UHRF2: variants seen among roughly 807,000 people sequenced by gnomAD.
UHRF2 encodes the protein ubiquitin like with PHD and ring finger domains 2, also known as E3 ubiquitin-protein ligase UHRF2.
A neutral mutation model predicts 96.8 loss-of-function variants in UHRF2; 23 were observed. The ratio of observed to expected loss-of-function variants is 0.24; its 90% CI spans 0.17 to 0.34. The LOEUF (loss-of-function observed/expected upper bound fraction) is 0.34, where lower values mean the gene tolerates loss of function less well. UHRF2 is among the 10% of genes least tolerant of loss of function. The pLI, the probability that UHRF2 is intolerant of heterozygous loss-of-function variation, is 1.00. For missense variants in UHRF2, 685 were observed against 981.5 expected, an observed-to-expected ratio of 0.70 and a Z score of 4.04; for synonymous variants, 385 against 332.6, an observed-to-expected ratio of 1.16 and a Z score of -1.72.
At chr9:6,436,371 C>G (rs1374958825) in intron 3 of UHRF2, among the ~76,000 whole-genome samples, 2 of 152,116 alleles carry the variant, frequency 1.3e-5, no homozygotes, top group Non-Finnish European at 2.9e-5. Context: ...TTGGCCAGAA[C>G]TGAACTGAGG....
intron 3 of UHRF2, among the ~76,000 whole-genome samples, chr9:6,455,948 A>T (rs1196644056): frequency 6.6e-6 from 1 of 152,194 alleles, no homozygotes; most frequent in African/African-American, 2.4e-5. Context: ...ACACCACTGC[A>T]CTCCAGCCTG....
intron 3 of UHRF2, among the ~76,000 whole-genome samples, chr9:6,436,231 T>A (rs1167967001): frequency 6.6e-6 from 1 of 152,180 alleles, no homozygotes; most frequent in Non-Finnish European, 1.5e-5. Flanking sequence ...TGGAAATGAA[T>A]CAAAAGTAGA....
chr9:6,437,500 T>A (rs1488088206), intron 3 of UHRF2, among the ~76,000 whole-genome samples: 1 of 152,222 alleles, frequency 6.6e-6, no homozygotes, highest in East Asian at 1.9e-4. Context: ...CCCAAAGTGC[T>A]GGGATTACAG....
intron 4 of UHRF2, among the ~76,000 whole-genome samples, chr9:6,474,552 A>G (rs1054993022): frequency 6.6e-6 from 1 of 152,152 alleles, no homozygotes; most frequent in Non-Finnish European, 1.5e-5. Context: ...CTAAAAATAC[A>G]AAAATTAGCC....
chr9:6,421,408 T>TTTTG (rs1013436205), intron 2 of UHRF2, among the ~76,000 whole-genome samples: 6 of 152,028 alleles, frequency 3.9e-5, no homozygotes, highest in South Asian at 2.1e-4. Flanking sequence ...TTAAAATACT[T>TTTTG]TTTGTTTGTT....
intron 4 of UHRF2, among the ~76,000 whole-genome samples, chr9:6,469,456 T>C (rs1188729794): frequency 6.6e-6 from 1 of 151,912 alleles, no homozygotes; most frequent in African/African-American, 2.4e-5. Context: ...AGACAGAGGT[T>C]GCAGTGAGCC....
intron 4 of UHRF2, among the ~76,000 whole-genome samples, chr9:6,467,417 G>A (rs1318448160): frequency 6.6e-6 from 1 of 152,106 alleles, no homozygotes; most frequent in South Asian, 2.1e-4. Context: ...ATGAGGTAAC[G>A]TATTTATAGG....
In UHRF2 at chr9:6,460,802, C is replaced by A; in HGVS notation, c.863+11C>A. 1 of 1,604,772 alleles carries A rather than the reference C, an allele frequency of 6.2e-7. No individual in the cohort carries two copies. The highest frequency in any genetic ancestry group is 8.5e-7 in the Non-Finnish European group (1 of 1,175,008). On this transcript the variant is annotated intron_variant, in intron 4 of 15. Coordinates refer to ENST00000276893, the MANE Select transcript of UHRF2 (RefSeq NM_152896.3). ...GAAAATTTTCCTGGGGTAAGATTGT[C>A]TTCACTGGTGCCATTTAATTAACTG... is the stretch of plus-strand genomic sequence containing the variant.
At chr9:6,456,737 A>G (rs2130834633) in intron 3 of UHRF2, among the ~76,000 whole-genome samples, 1 of 152,294 alleles carries the variant, frequency 6.6e-6, no homozygotes, top group South Asian at 2.1e-4. Flanking sequence ...GTCCAGTTTC[A>G]GTTTTCTACA....
At chr9:6,464,124 C>G (rs766460589) in intron 4 of UHRF2, among the ~76,000 whole-genome samples, 1 of 152,190 alleles carries the variant, frequency 6.6e-6, no homozygotes, top group Non-Finnish European at 1.5e-5. Flanking sequence ...ACTTCAGTTT[C>G]CACTAATCAG....
At chr9:6,477,492 C>T in intron 5 of UHRF2, 130 bp from the exon 6 acceptor site, 1 of 832,338 alleles carries the variant, frequency 1.2e-6, no homozygotes, top group Non-Finnish European at 1.8e-6. Flanking sequence ...CGCCATTGCA[C>T]TCCAGCCTGG....
chr9:6,488,434 A>G (rs1027844946), intron 9 of UHRF2, among the ~76,000 whole-genome samples: 2 of 150,588 alleles, frequency 1.3e-5, no homozygotes, highest in African/African-American at 2.4e-5. Flanking sequence ...TTATATTACC[A>G]CAGTTTCCAT....
chr9:6,449,627 C>G (rs1401031969), intron 3 of UHRF2: 2 of 152,226 alleles, frequency 1.3e-5, no homozygotes, highest in African/African-American at 4.8e-5. Flanking sequence ...TGGGTTGGCC[C>G]TGGCCTGCTG....
intron 8 of UHRF2, among the ~76,000 whole-genome samples, chr9:6,486,051 G>C (rs1041134114): frequency 1.1e-4 from 16 of 152,216 alleles, no homozygotes; most frequent in African/African-American, 3.6e-4. Flanking sequence ...TGCACATAAG[G>C]CTAGGAAAAA....
Position 6,413,461 on chromosome 9 carries a change from A to G in UHRF2, c.-30A>G, listed in dbSNP as rs779661387. The G allele has an allele frequency of 6.7e-7, 1 of 1,498,658 alleles. No homozygotes were observed. The highest frequency in any genetic ancestry group is 9.0e-7 in the Non-Finnish European group (1 of 1,114,292). The allele number at this position is 1,498,658 out of a possible 1,614,324, so 92.8% of individuals were successfully genotyped here. ...GGCGCCCAGAGCTCAGGGGGAGACA[A>G]AGGGGACCGGTTCCTCTCTAGGCGC... On this transcript the variant is annotated 5_prime_UTR_variant, in exon 1 of 16. Transcript: ENST00000276893.
intron 6 of UHRF2, among the ~76,000 whole-genome samples, chr9:6,480,218 C>G (rs1282518607): frequency 6.6e-6 from 1 of 152,172 alleles, no homozygotes. Flanking sequence ...GAATGCTTTT[C>G]TTAGGTTATC....
chr9:6,467,072 A>G (rs1052607311), intron 4 of UHRF2, among the ~76,000 whole-genome samples: 20 of 152,256 alleles, frequency 1.3e-4, no homozygotes, highest in Non-Finnish European at 1.0e-4. Context: ...ACAATAAAGC[A>G]TAGTACAGTT....
At chr9:6,437,911 T>C (rs1362119997) in intron 3 of UHRF2, among the ~76,000 whole-genome samples, 2 of 152,154 alleles carry the variant, frequency 1.3e-5, no homozygotes, top group East Asian at 3.8e-4. Flanking sequence ...CGCACCCGGC[T>C]AGTTTCATTA....
At chr9:6,429,485 G>A (rs1166143945) in intron 2 of UHRF2, among the ~76,000 whole-genome samples, 3 of 151,976 alleles carry the variant, frequency 2.0e-5, no homozygotes, top group Admixed American at 6.6e-5. Flanking sequence ...CGGGATCCAC[G>A]CCTGGCTAGT....
Sources: allele counts gnomAD v4.1 joint callset (sites outside exome capture counted in the v4.1 genomes callset), GRCh38; gene constraint gnomAD v4.1.1; transcripts MANE v1.5; gene names NCBI Gene and HGNC (gene_info 2026-07-23, HGNC 2026-07-21).